The following VDAC1 variants were observed in gnomAD, a reference collection of about 807,000 sequenced individuals.
The protein encoded by VDAC1 is non-selective voltage-gated ion channel VDAC1.
A neutral mutation model predicts 34.7 loss-of-function variants in VDAC1; 10 were observed. That is an observed-to-expected ratio of 0.29 (90% confidence interval 0.18 to 0.49). The LOEUF (loss-of-function observed/expected upper bound fraction) is 0.49, where lower values mean the gene tolerates loss of function less well. Among genes scored for constraint, VDAC1 ranks in the 20% least tolerant of loss-of-function variants. VDAC1 has a pLI of 0.99. For synonymous variants in VDAC1, 130 were observed against 136.0 expected, an observed-to-expected ratio of 0.96 and a Z score of 0.30; for missense variants, 230 against 347.9, an observed-to-expected ratio of 0.66 and a Z score of 2.69.
chr5:134,023,147 A>G, the VDAC1 span, among the ~76,000 whole-genome samples: 1 of 152,192 alleles, frequency 6.6e-6, no homozygotes, highest in African/African-American at 2.4e-5. Context: ...ATGCAGCCAT[A>G]AAAAAGAATG....
chr5:134,064,488 G>C, the VDAC1 span, among the ~76,000 whole-genome samples: 1 of 151,962 alleles, frequency 6.6e-6, no homozygotes, highest in African/African-American at 2.4e-5. Context: ...TATTTTAGTA[G>C]AGATGGGGTT....
chr5:133,997,726 A>AG, intron 1 of VDAC1, among the ~76,000 whole-genome samples: 1 of 150,522 alleles, frequency 6.6e-6, no homozygotes, highest in Non-Finnish European at 1.5e-5. Flanking sequence ...AAAAAAAAAA[A>AG]AAAGAATAAG....
chr5:134,086,365 T>C, the VDAC1 span, among the ~76,000 whole-genome samples: 2 of 152,156 alleles, frequency 1.3e-5, no homozygotes, highest in African/African-American at 4.8e-5. Flanking sequence ...CAAATATTTA[T>C]GAGCAAAGGG....
chr5:133,972,440 A>G lies in VDAC1; in HGVS notation c.*331T>C, dbSNP rs2126885012. 2.3e-6 allele frequency: 1 copy of G among 430,852 alleles called. No individual in the cohort carries two copies. The highest frequency in any genetic ancestry group is 3.4e-5 in the East Asian group (1 of 29,118). 26.7% of individuals were successfully genotyped at this position (430,852 alleles called of 1,614,324 possible). On this transcript the variant is annotated 3_prime_UTR_variant, in exon 9 of 9. Coordinates refer to ENST00000265333, the MANE Select transcript of VDAC1 (RefSeq NM_003374.3). Reference sequence around the variant, plus strand: ...AAGGTTCGATTCTCAGGAAATCACAATTTCATTCATTTACTCAATATGAAT... The same window carrying G: ...AAGGTTCGATTCTCAGGAAATCACAGTTTCATTCATTTACTCAATATGAAT...
chr5:134,007,251 A>AG (rs1204333457), upstream of VDAC1, among the ~76,000 whole-genome samples: 5 of 122,408 alleles, frequency 4.1e-5, no homozygotes, highest in African/African-American at 1.5e-4. Flanking sequence ...CCAAAAAAAA[A>AG]AAAAAAGAAA....
intron 5 of VDAC1, 134 bp from the exon 6 acceptor site, chr5:133,981,090 T>C: frequency 1.4e-6 from 1 of 693,734 alleles, no homozygotes; most frequent in Non-Finnish European, 2.4e-6. Flanking sequence ...AGTTCTCCCT[T>C]AAGCCACTGC....
intron 6 of VDAC1, 40 bp downstream of exon 6, chr5:133,980,689 A>AGCCCCCCCCCCCCCCCCC: frequency 3.5e-6 from 2 of 564,056 alleles, no homozygotes; most frequent in Non-Finnish European, 6.7e-6. Context: ...ACATGCTCCA[A>AGCCCCCCCCCCCCCCCCC]CCCCACCCCT....
the VDAC1 span, among the ~76,000 whole-genome samples, chr5:134,080,488 C>A: frequency 6.6e-6 from 1 of 151,932 alleles, no homozygotes; most frequent in African/African-American, 2.4e-5. Flanking sequence ...CAAGCCTCCA[C>A]GGAGGTACAG....
intron 1 of VDAC1, 192 bp downstream of exon 1, chr5:134,004,703 G>C (rs1197385790): frequency 6.6e-6 from 1 of 151,654 alleles, no homozygotes. Flanking sequence ...GCGACGCGGA[G>C]GCAGGGAGCC....
chr5:134,039,462 G>C, the VDAC1 span, among the ~76,000 whole-genome samples: 1 of 152,098 alleles, frequency 6.6e-6, no homozygotes, highest in South Asian at 2.1e-4. Context: ...CTGAGTAGCT[G>C]GGACTACAGG....
At chr5:134,105,353 G>A in the VDAC1 span, among the ~76,000 whole-genome samples, 2 of 152,212 alleles carry the variant, frequency 1.3e-5, no homozygotes, top group African/African-American at 4.8e-5. Flanking sequence ...AGTCAGTTTG[G>A]AGCCCCAAAA....
intron 6 of VDAC1, among the ~76,000 whole-genome samples, chr5:133,978,235 T>A (rs1220678609): frequency 6.6e-6 from 1 of 152,012 alleles, no homozygotes; most frequent in Non-Finnish European, 1.5e-5. Flanking sequence ...GGCAAAATCA[T>A]AGCTCACTGT....
At chr5:134,064,580 A>C in the VDAC1 span, among the ~76,000 whole-genome samples, 1 of 152,130 alleles carries the variant, frequency 6.6e-6, no homozygotes, top group Non-Finnish European at 1.5e-5. Flanking sequence ...CTGGGATTAC[A>C]AGTGTGAGCC....
chr5:134,104,486 G>A, the VDAC1 span, among the ~76,000 whole-genome samples: 606 of 152,316 alleles, frequency 4.0e-3, 4 homozygotes, highest in Middle Eastern at 0.01. Flanking sequence ...CAGTTTATAA[G>A]GGTGCCCTCT....
chr5:134,087,512 C>T, the VDAC1 span, among the ~76,000 whole-genome samples: 1 of 152,168 alleles, frequency 6.6e-6, no homozygotes, highest in Non-Finnish European at 1.5e-5. Flanking sequence ...ATTCCTTGCA[C>T]CCACTGAAAG....
At chr5:133,998,460 C>T in intron 1 of VDAC1, among the ~76,000 whole-genome samples, 1 of 152,010 alleles carries the variant, frequency 6.6e-6, no homozygotes, top group East Asian at 1.9e-4. Context: ...CACTTGAACC[C>T]AAAGGCAAAG....
At chr5:134,064,039 T>C in the VDAC1 span, among the ~76,000 whole-genome samples, 1 of 149,402 alleles carries the variant, frequency 6.7e-6, no homozygotes, top group Non-Finnish European at 1.5e-5. Flanking sequence ...GTTCTCCCTA[T>C]GTTGCCCAGG....
chr5:134,062,993 C>G, the VDAC1 span, among the ~76,000 whole-genome samples: 1 of 152,158 alleles, frequency 6.6e-6, no homozygotes, highest in Non-Finnish European at 1.5e-5. Context: ...GCAAAAATCA[C>G]CCATAAAATT....
intron 1 of VDAC1, among the ~76,000 whole-genome samples, chr5:134,002,758 A>T (rs1487166820): frequency 6.6e-6 from 1 of 152,082 alleles, no homozygotes; most frequent in Non-Finnish European, 1.5e-5. Context: ...TGAGGCCAGG[A>T]GTTTGAGATC....
Sources: gnomAD v4.1 joint callset for allele counts (sites outside exome capture counted in the v4.1 genomes callset) on GRCh38, gnomAD v4.1.1 for gene constraint, MANE v1.5 for transcripts, NCBI Gene and HGNC (gene_info 2026-07-23, HGNC 2026-07-21) for gene names.